UNC5C: variants seen among roughly 807,000 people sequenced by gnomAD.
UNC5C encodes the protein unc-5 netrin receptor C, also known as netrin receptor UNC5C.
Under a neutral mutation model 99.8 loss-of-function variants are expected in UNC5C, and 47 were observed. The ratio of observed to expected loss-of-function variants is 0.47; its 90% CI spans 0.37 to 0.60. The LOEUF (loss-of-function observed/expected upper bound fraction) is 0.60, where lower values mean the gene tolerates loss of function less well. Among genes scored for constraint, UNC5C ranks in the 20% least tolerant of loss-of-function variants. The pLI, the probability that UNC5C is intolerant of heterozygous loss-of-function variation, is 0.00. For missense variants in UNC5C, 1,062 were observed against 1,165.9 expected (o/e 0.91, Z 1.30); for synonymous variants, 487 against 452.2 (o/e 1.08, Z -0.98).
chr4:95,333,854 A>G (rs1743224591), intron 2 of UNC5C, among the ~76,000 whole-genome samples: 1 of 152,134 alleles, frequency 6.6e-6, no homozygotes, highest in Non-Finnish European at 1.5e-5. Flanking sequence ...TTATCATTAA[A>G]GCTTATTTGT....
chr4:95,316,475 C>T (rs1210760282), intron 2 of UNC5C, among the ~76,000 whole-genome samples: 2 of 152,128 alleles, frequency 1.3e-5, no homozygotes, highest in African/African-American at 2.4e-5. Context: ...ACCGCAGGCA[C>T]ACTTTTAATT....
chr4:95,364,041 G>T (rs1560805313), intron 1 of UNC5C, among the ~76,000 whole-genome samples: 1 of 152,156 alleles, frequency 6.6e-6, no homozygotes, highest in Non-Finnish European at 1.5e-5. Flanking sequence ...CCACTTGACT[G>T]CATGTTCAAA....
intron 1 of UNC5C, among the ~76,000 whole-genome samples, chr4:95,478,455 G>A (rs17024030): frequency 0.086 from 13,016 of 151,978 alleles, 732 homozygotes; most frequent in African/African-American, 0.16. Context: ...CACCGATTTC[G>A]ATGGTTCAGG....
chr4:95,295,092 A>G (rs1741626451), intron 3 of UNC5C, among the ~76,000 whole-genome samples: 2 of 152,206 alleles, frequency 1.3e-5, no homozygotes. Context: ...CAACAATGGT[A>G]ACATCAAGAG....
Position 95,185,069 on chromosome 4 carries a change from C to T in UNC5C, c.2264G>A (p.Ser755Asn). 1 of 1,611,706 alleles carries T rather than the reference C, an allele frequency of 6.2e-7. No homozygotes were observed. Among genetic ancestry groups the T allele is most frequent in the Non-Finnish European group, 8.5e-7 (1 of 1,179,372 alleles). Residue 755 changes from serine (S) to asparagine (N), a missense_variant, in exon 13 of 16, where the codon AGC (serine) becomes AAC (asparagine). By Grantham distance (46) the Ser-to-Asn change is conservative. Coordinates refer to ENST00000453304, the MANE Select transcript of UNC5C (RefSeq NM_003728.4). ...TACCTGATATTTAGCCAGCAATTTG[C>T]TCTTCCAGAGGGAATGGGCGATATC... ...IHDIAHSLWK[S>N]KLLAKYQEIP...
chr4:95,524,968 C>G (rs184680192), intron 1 of UNC5C, among the ~76,000 whole-genome samples: 25 of 152,288 alleles, frequency 1.6e-4, no homozygotes, highest in African/African-American at 5.5e-4. Flanking sequence ...AGTTCCCCAT[C>G]TGGGTTTCAG....
intron 14 of UNC5C, among the ~76,000 whole-genome samples, chr4:95,176,071 T>C (rs1466729294): frequency 2.7e-4 from 40 of 147,812 alleles, no homozygotes; most frequent in Non-Finnish European, 1.8e-4. Context: ...ACGTAGTTCT[T>C]GAGCCTTGGT....
chr4:95,411,261 A>G (rs921244079), intron 1 of UNC5C, among the ~76,000 whole-genome samples: 6 of 152,060 alleles, frequency 3.9e-5, no homozygotes, highest in African/African-American at 1.4e-4. Context: ...TTAGAGGAAC[A>G]AGATTTATGT....
intron 1 of UNC5C, among the ~76,000 whole-genome samples, chr4:95,499,794 G>T (rs779017013): frequency 6.6e-6 from 1 of 152,080 alleles, no homozygotes; most frequent in Non-Finnish European, 1.5e-5. Context: ...GAAGTTGGAG[G>T]TATGTATGTG....
intron 14 of UNC5C, among the ~76,000 whole-genome samples, chr4:95,175,540 A>ATTCTT (rs1736304307): frequency 6.6e-6 from 1 of 152,072 alleles, no homozygotes; most frequent in Non-Finnish European, 1.5e-5. Flanking sequence ...TGGGTTGAAA[A>ATTCTT]TTCTTTTCTT....
chr4:95,495,952 T>G (rs776531526), intron 1 of UNC5C, among the ~76,000 whole-genome samples: 53 of 151,936 alleles, frequency 3.5e-4, no homozygotes, highest in Non-Finnish European at 6.9e-4. Context: ...AGACATAAAT[T>G]AATAGCAACA....
chr4:95,241,057 G>C (rs1739313308), intron 7 of UNC5C, among the ~76,000 whole-genome samples: 1 of 151,336 alleles, frequency 6.6e-6, no homozygotes, highest in African/African-American at 2.4e-5. Flanking sequence ...GCAATCGCAT[G>C]AATCAGTTTG....
rs1199016093 is a variant in UNC5C at position 95,505,204 on chromosome 4, C to T, written c.124+43530G>A. ...ATTAAGAACAGTAGCAAATGAACAA[C>T]TTACGGCCTCCAAAGTGTAACCACC... On this transcript the variant is annotated intron_variant, in intron 1 of 15. Coordinates refer to ENST00000453304, the MANE Select transcript of UNC5C (RefSeq NM_003728.4). Among the ~76,000 whole-genome samples the T allele has an allele frequency of 2.0e-5, 3 of 152,194 alleles. No homozygotes were observed. In the East Asian group the frequency reaches 5.8e-4, roughly 29 times the overall value.
chr4:95,359,008 T>G (rs1744300777), intron 1 of UNC5C, among the ~76,000 whole-genome samples: 1 of 152,178 alleles, frequency 6.6e-6, no homozygotes, highest in Non-Finnish European at 1.5e-5. Flanking sequence ...AGATTTCATG[T>G]TGTATTTGGA....
At chr4:95,464,667 T>A (rs1005722048) in intron 1 of UNC5C, among the ~76,000 whole-genome samples, 1 of 152,206 alleles carries the variant, frequency 6.6e-6, no homozygotes, top group African/African-American at 2.4e-5. Context: ...TCATATCTAT[T>A]TGTAACCAAA....
At chr4:95,544,687 A>G (rs925444963) in intron 1 of UNC5C, among the ~76,000 whole-genome samples, 3 of 152,160 alleles carry the variant, frequency 2.0e-5, no homozygotes, top group African/African-American at 7.2e-5. Flanking sequence ...ACCATACTCT[A>G]TCCATAGAAG....
intron 7 of UNC5C, among the ~76,000 whole-genome samples, chr4:95,221,621 A>G (rs1738470370): frequency 6.6e-6 from 1 of 152,168 alleles, no homozygotes; most frequent in Non-Finnish European, 1.5e-5. Context: ...TTTAAAAATA[A>G]TTTTCTTCCC....
At chr4:95,453,867 C>T (rs1459707544) in intron 1 of UNC5C, among the ~76,000 whole-genome samples, 4 of 151,974 alleles carry the variant, frequency 2.6e-5, no homozygotes, top group African/African-American at 9.7e-5. Flanking sequence ...TGTCTCATTC[C>T]TCAAGAAAAA....
intron 1 of UNC5C, among the ~76,000 whole-genome samples, chr4:95,535,066 AT>A (rs1722740228): frequency 6.6e-6 from 1 of 152,064 alleles, no homozygotes; most frequent in African/African-American, 2.4e-5. Flanking sequence ...GCACAAACTT[AT>A]TTTTTTCATT....
Sources: allele counts gnomAD v4.1 joint callset (sites outside exome capture counted in the v4.1 genomes callset), GRCh38; gene constraint gnomAD v4.1.1; transcripts MANE v1.5; gene names NCBI Gene and HGNC (gene_info 2026-07-23, HGNC 2026-07-21).